LAMA2: variants seen among roughly 807,000 people sequenced by gnomAD.
The protein encoded by LAMA2 is laminin subunit alpha 2, also known as laminin subunit alpha-2.
LAMA2 carries 269 observed loss-of-function variants against 364.8 expected under a neutral mutation model. The observed-to-expected ratio is 0.74, with a 90% CI of 0.67 to 0.82. The LOEUF (loss-of-function observed/expected upper bound fraction) is 0.82, where lower values mean the gene tolerates loss of function less well. Ranked by LOEUF, LAMA2 falls within the 40% of genes least tolerant of loss-of-function variation. The pLI, the probability that LAMA2 is intolerant of heterozygous loss-of-function variation, is 0.00. For missense variants in LAMA2, 3,807 were observed against 3,873.2 expected, an observed-to-expected ratio of 0.98 and a Z score of 0.45; for synonymous variants, 1,379 against 1,370.6, an observed-to-expected ratio of 1.01 and a Z score of -0.14.
intron 14 of LAMA2, among the ~76,000 whole-genome samples, chr6:129,256,570 G>T (rs1288614616): frequency 6.6e-6 from 1 of 151,734 alleles, no homozygotes. Flanking sequence ...AAATAGTGCA[G>T]AAGAAGTGTG....
intron 1 of LAMA2, among the ~76,000 whole-genome samples, chr6:129,037,483 A>G (rs973917777): frequency 1.8e-4 from 27 of 152,184 alleles, no homozygotes; most frequent in African/African-American, 6.3e-4. Context: ...TATCAATTAC[A>G]TTATTGGTGG....
intron 12 of LAMA2, among the ~76,000 whole-genome samples, chr6:129,231,093 C>G (rs1311978526): frequency 6.6e-6 from 1 of 152,052 alleles, no homozygotes; most frequent in Non-Finnish European, 1.5e-5. Context: ...TGCTTTAACT[C>G]CATTGCATTT....
Position 128,935,681 on chromosome 6 carries a change from G to A in LAMA2, c.112+52324G>A, listed in dbSNP as rs572310977. Among the ~76,000 whole-genome samples, 14 of 152,198 alleles carry A rather than the reference G, an allele frequency of 9.2e-5. No individual in the cohort carries two copies. The South Asian group carries it at 2.7e-3, about 29-fold the overall frequency. ...TGAATTTCTTTATTAGCTTCTAATA[G>A]CACTTTAGATGGAGTTTAGGGTTTC... is the stretch of plus-strand genomic sequence containing the variant. On this transcript the variant is annotated intron_variant, in intron 1 of 64. Coordinates refer to ENST00000421865, the MANE Select transcript of LAMA2 (RefSeq NM_000426.4).
intron 29 of LAMA2, among the ~76,000 whole-genome samples, chr6:129,334,816 G>T (rs1346572723): frequency 6.6e-6 from 1 of 151,980 alleles, no homozygotes; most frequent in African/African-American, 2.4e-5. Flanking sequence ...GCTCTCTGGG[G>T]TCTCTTTTGT....
intron 12 of LAMA2, among the ~76,000 whole-genome samples, chr6:129,200,147 TAC>T (rs201628863): frequency 0.15 from 19,589 of 134,516 alleles, 2,085 homozygotes; most frequent in African/African-American, 0.2. Context: ...TGTACACATA[TAC>T]ACGTGTATAT....
chr6:129,210,517 G>A (rs1562335809), intron 12 of LAMA2, among the ~76,000 whole-genome samples: 1 of 152,116 alleles, frequency 6.6e-6, no homozygotes, highest in Non-Finnish European at 1.5e-5. Flanking sequence ...CCATTAATTT[G>A]GAATGGGAGA....
chr6:129,470,547 A>G (rs1351372799), intron 51 of LAMA2, among the ~76,000 whole-genome samples: 6 of 151,920 alleles, frequency 3.9e-5, no homozygotes, highest in African/African-American at 1.2e-4. Flanking sequence ...GAGATTGAGA[A>G]TGAAAGGTAA....
intron 63 of LAMA2, among the ~76,000 whole-genome samples, chr6:129,513,288 T>C (rs1215987308): frequency 2.0e-5 from 3 of 152,120 alleles, no homozygotes; most frequent in African/African-American, 7.2e-5. Flanking sequence ...ACAAAGGTAA[T>C]ATAGGAAAAA....
chr6:129,112,498 C>T (rs572975907), intron 4 of LAMA2, among the ~76,000 whole-genome samples: 5 of 151,986 alleles, frequency 3.3e-5, no homozygotes, highest in South Asian at 2.1e-4. Context: ...AACCACCAAA[C>T]GATTTGATAT....
intron 2 of LAMA2, among the ~76,000 whole-genome samples, chr6:129,054,657 T>G (rs992423511): frequency 6.7e-6 from 1 of 148,514 alleles, no homozygotes; most frequent in Non-Finnish European, 1.5e-5. Flanking sequence ...AAATTAAACA[T>G]GAAATATATG....
intron 41 of LAMA2, among the ~76,000 whole-genome samples, chr6:129,429,117 A>G (rs139579939): frequency 1.6e-3 from 251 of 152,270 alleles, no homozygotes; most frequent in Admixed American, 3.1e-3. Flanking sequence ...CCAGACCTTC[A>G]GGATTTAGTT....
intron 3 of LAMA2, among the ~76,000 whole-genome samples, chr6:129,069,506 A>T (rs973840268): frequency 2.0e-5 from 3 of 149,008 alleles, no homozygotes; most frequent in Admixed American, 2.0e-4. Flanking sequence ...GACCGTATTT[A>T]TTATAGATCT....
chr6:129,390,862 A>G (rs1779278099), intron 35 of LAMA2, among the ~76,000 whole-genome samples: 1 of 152,180 alleles, frequency 6.6e-6, no homozygotes, highest in Non-Finnish European at 1.5e-5. Context: ...GTACAGTTTG[A>G]AACCCCATTT....
intron 1 of LAMA2, among the ~76,000 whole-genome samples, chr6:128,889,660 A>G (rs554333718): frequency 7.9e-5 from 12 of 152,192 alleles, no homozygotes; most frequent in African/African-American, 2.4e-4. Flanking sequence ...TCTAACAAAT[A>G]TAACATTTAG....
intron 51 of LAMA2, among the ~76,000 whole-genome samples, chr6:129,470,774 G>A (rs1783774684): frequency 6.6e-6 from 1 of 151,864 alleles, no homozygotes; most frequent in Admixed American, 6.6e-5. Flanking sequence ...CAATGTGGAT[G>A]ATTGCTCCTT....
In LAMA2 at chr6:129,206,106, G is replaced by A. The variant is rs146281819; in HGVS notation, c.1782+13253G>A. 2.1e-3 allele frequency among the ~76,000 whole-genome samples: 195 copies of A among 94,590 alleles called. 1 individual carries two copies. Among genetic ancestry groups the A allele is most frequent in the East Asian group, 8.3e-3 (23 of 2,770 alleles). The allele number at this position is 94,590 out of a possible 152,430, so 62.1% of individuals were successfully genotyped here. A position where few individuals can be genotyped will look rare whatever the true frequency, so the allele number is the denominator to read the frequency against. ...GGAGGAAGGAAGGGAGGGAGGGAGG[G>A]AGGAAGGAAGGAAGGAAGGAAGGAA... On this transcript the variant is annotated intron_variant, in intron 12 of 64. Transcript: ENST00000421865.
At chr6:129,058,637 T>C (rs958371357) in intron 2 of LAMA2, among the ~76,000 whole-genome samples, 1 of 152,176 alleles carries the variant, frequency 6.6e-6, no homozygotes, top group African/African-American at 2.4e-5. Context: ...TATTATTAAA[T>C]AGTGATAGAA....
chr6:128,930,215 G>A (rs1172302706), intron 1 of LAMA2, among the ~76,000 whole-genome samples: 2 of 152,240 alleles, frequency 1.3e-5, no homozygotes, highest in Admixed American at 1.3e-4. Flanking sequence ...GGTTGCCGTG[G>A]CCTCTATTTC....
chr6:129,282,137 G>A (rs890423979), intron 18 of LAMA2, among the ~76,000 whole-genome samples: 1 of 152,156 alleles, frequency 6.6e-6, no homozygotes, highest in Non-Finnish European at 1.5e-5. Context: ...CCAAATTGTA[G>A]ATGTTCCTGG....
Sources: gnomAD v4.1 joint callset for allele counts (sites outside exome capture counted in the v4.1 genomes callset) on GRCh38, gnomAD v4.1.1 for gene constraint, MANE v1.5 for transcripts, NCBI Gene and HGNC (gene_info 2026-07-23, HGNC 2026-07-21) for gene names.